MED28: variants seen among roughly 807,000 people sequenced by gnomAD.
MED28 encodes the protein mediator of RNA polymerase II transcription subunit 28.
Under a neutral mutation model 21.3 loss-of-function variants are expected in MED28, and 26 were observed. The observed-to-expected ratio is 1.22, with a 90% CI of 0.89 to 1.69. The LOEUF is 1.69. Ranked by LOEUF, MED28 falls within the 40% of genes most tolerant of loss-of-function variation. MED28 has a pLI of 0.00. For missense variants in MED28, 257 were observed against 215.4 expected (o/e 1.19, Z -1.21); for synonymous variants, 110 against 87.6 (o/e 1.26, Z -1.43).
intron 3 of MED28, among the ~76,000 whole-genome samples, chr4:17,622,947 A>G (rs956707826): frequency 1.3e-5 from 2 of 152,176 alleles, no homozygotes; most frequent in African/African-American, 4.8e-5. Flanking sequence ...TGCCCCCGTG[A>G]TTCAATTACC....
At chr4:17,615,586 C>T (rs1714426110) in intron 1 of MED28, among the ~76,000 whole-genome samples, 1 of 152,032 alleles carries the variant, frequency 6.6e-6, no homozygotes, top group African/African-American at 2.4e-5. Context: ...CCGAGGCTGG[C>T]GGATCATGAG....
chr4:17,625,624 A>G lies in MED28; in HGVS notation c.*1826A>G, dbSNP rs1348636376. On this transcript the variant is annotated 3_prime_UTR_variant, in exon 4 of 4. Coordinates refer to ENST00000237380, the MANE Select transcript of MED28 (RefSeq NM_025205.5). ...ATTAAATTCAGAAGTTTTTTTGCCA[A>G]ATAACAATTTTTCAATCTTCTCTGT... 4.5e-6 allele frequency: 2 copies of G among 439,940 alleles called. No homozygotes were observed. The highest frequency in any genetic ancestry group is 4.1e-5 in the African/African-American group (2 of 49,166). The allele number at this position is 439,940 out of a possible 1,614,324, so 27.3% of individuals were successfully genotyped here. A position where few individuals can be genotyped will look rare whatever the true frequency, so the allele number is the denominator to read the frequency against.
At chr4:17,617,994 TTTTTTTTTCTTTTCTTTTC>T in intron 1 of MED28, among the ~76,000 whole-genome samples, 1 of 142,938 alleles carries the variant, frequency 7.0e-6, no homozygotes, top group African/African-American at 2.6e-5. Context: ...CTGTGTATCT[TTTTTTTTTCTTTTCTTTTC>T]TTTTTTTTTT....
chr4:17,623,917 T>G lies in MED28; in HGVS notation c.*119T>G. On this transcript the variant is annotated 3_prime_UTR_variant, in exon 4 of 4. Coordinates refer to ENST00000237380, the MANE Select transcript of MED28 (RefSeq NM_025205.5). ...TTGCCAGATAATGAGTTCATTTTAG[T>G]TTTATGCTCCCATTGAAAAATTTTC... 8.7e-7 allele frequency: 1 copy of G among 1,151,972 alleles called. No individual in the cohort carries two copies. Among genetic ancestry groups the G allele is most frequent in the Non-Finnish European group, 1.2e-6 (1 of 821,610 alleles). 71.4% of individuals were successfully genotyped at this position (1,151,972 alleles called of 1,614,324 possible).
rs1310966935 is a variant in MED28 at position 17,633,688 on chromosome 4, C to G, written c.*9890C>G. The G allele has an allele frequency of 3.3e-6, 5 of 1,527,532 alleles. No homozygotes were observed. The highest frequency in any genetic ancestry group is 4.4e-6 in the Non-Finnish European group (5 of 1,134,278). The allele number at this position is 1,527,532 out of a possible 1,614,324, so 94.6% of individuals were successfully genotyped here. A position where few individuals can be genotyped will look rare whatever the true frequency, so the allele number is the denominator to read the frequency against. On this transcript the variant is annotated 3_prime_UTR_variant, in exon 4 of 4. Transcript: ENST00000237380. ...GCCCCTGTCCCCAACATCCCCCAAA[C>G]CTTGTGGCAGTTTTTGCATCTGTAG...
At chr4:17,619,636 A>G (rs1577231582) in intron 1 of MED28, among the ~76,000 whole-genome samples, 1 of 152,250 alleles carries the variant, frequency 6.6e-6, no homozygotes, top group Non-Finnish European at 1.5e-5. Flanking sequence ...CTGGTGTGGA[A>G]TAAGATACAG....
rs537180538 is a variant in MED28 at position 17,614,667 on chromosome 4, C to A, written c.13C>A (p.Leu5Ile). ...CGCCATTCCAAACATGGCGGCTCCA[C>A]TAGGGGGTATGTTTTCTGGGCAGCC... MAAP[L>I]GGMFSGQPPG... The change falls in exon 1 of 4, where the codon CTA becomes ATA. Residue 5 changes from leucine to isoleucine, a missense_variant. By Grantham distance (5) the Leu-to-Ile change is conservative. Coordinates refer to ENST00000237380, the MANE Select transcript of MED28 (RefSeq NM_025205.5). 1.2e-6 allele frequency: 2 copies of A among 1,611,712 alleles called. No homozygotes were observed. The highest frequency in any genetic ancestry group is 2.7e-5 in the African/African-American group (2 of 74,840).
chr4:17,616,836 A>C (rs1291854279), intron 1 of MED28, among the ~76,000 whole-genome samples: 1 of 152,204 alleles, frequency 6.6e-6, no homozygotes, highest in African/African-American at 2.4e-5. Context: ...AGGAATCTGT[A>C]GTGTGGAGCC....
In MED28 at chr4:17,633,686, A is replaced by C; in HGVS notation, c.*9888A>C. Reference sequence around the variant, plus strand: ...GGGCCCCTGTCCCCAACATCCCCCAAACCTTGTGGCAGTTTTTGCATCTGT... The same window carrying C: ...GGGCCCCTGTCCCCAACATCCCCCACACCTTGTGGCAGTTTTTGCATCTGT... On this transcript the variant is annotated 3_prime_UTR_variant, in exon 4 of 4. Coordinates refer to ENST00000237380, the MANE Select transcript of MED28 (RefSeq NM_025205.5). 6.6e-7 allele frequency: 1 copy of C among 1,525,142 alleles called. No homozygotes were observed. The highest frequency in any genetic ancestry group is 2.1e-5 in the Admixed American group (1 of 47,478). The allele number at this position is 1,525,142 out of a possible 1,614,324, so 94.5% of individuals were successfully genotyped here. A position where few individuals can be genotyped will look rare whatever the true frequency, so the allele number is the denominator to read the frequency against.
Position 17,630,637 on chromosome 4 carries a change from A to ATATT in MED28, c.*6841_*6844dup, listed in dbSNP as rs761394735. The ATATT allele has an allele frequency of 3.3e-5, 5 of 152,232 alleles. No homozygotes were observed. Among genetic ancestry groups the ATATT allele is most frequent in the Non-Finnish European group, 7.3e-5 (5 of 68,050 alleles). The allele number at this position is 152,232 out of a possible 1,614,324, so 9.4% of individuals were successfully genotyped here. On this transcript the variant is annotated 3_prime_UTR_variant, in exon 4 of 4. Transcript: ENST00000237380. ...ACTCTAAGCGGGAAACTCACAAAAAATATTTGGTAGTGAAAAACAGTATGG... is the reference window on the plus strand; with the variant it reads ...ACTCTAAGCGGGAAACTCACAAAAAATATTTATTTGGTAGTGAAAAACAGTATGG...
chr4:17,615,995 C>G (rs919492007), intron 1 of MED28, among the ~76,000 whole-genome samples: 2 of 151,826 alleles, frequency 1.3e-5, no homozygotes, highest in African/African-American at 4.8e-5. Flanking sequence ...GAGTCTCACT[C>G]TCTCGCCCAG....
rs151195252 is a variant in MED28, at chr4:17,616,401, G to A, written c.159+1588G>A. Among the ~76,000 whole-genome samples, 9 of 152,294 alleles carry A rather than the reference G, an allele frequency of 5.9e-5. No individual in the cohort carries two copies. The East Asian group carries it at 1.7e-3, about 29-fold the overall frequency. Reference sequence around the variant, plus strand: ...GAGGGGAGCTGGCTCTCAGTCATGGGCACTTGCTGAAAGACTGGCCCTGTA... The same window carrying A: ...GAGGGGAGCTGGCTCTCAGTCATGGACACTTGCTGAAAGACTGGCCCTGTA... On this transcript the variant is annotated intron_variant, in intron 1 of 3. Coordinates refer to ENST00000237380, the MANE Select transcript of MED28 (RefSeq NM_025205.5).
At chr4:17,616,457 C>A (rs911125653) in intron 1 of MED28, among the ~76,000 whole-genome samples, 13 of 152,138 alleles carry the variant, frequency 8.5e-5, no homozygotes, top group African/African-American at 3.1e-4. Context: ...CTCCCAGCAC[C>A]CTGCTGCTTA....
In MED28 at chr4:17,614,821, A is replaced by G. The variant is rs1196324101; in HGVS notation, c.159+8A>G. The G allele has an allele frequency of 1.9e-6, 3 of 1,593,692 alleles. No homozygotes were observed. The highest frequency in any genetic ancestry group is 3.4e-4 in the Middle Eastern group (2 of 5,952). On this transcript the variant is annotated splice_region_variant and intron_variant, in intron 1 of 3. Coordinates refer to ENST00000237380, the MANE Select transcript of MED28 (RefSeq NM_025205.5). ...TTGGAGTCATCTTTCGAGGTAATAT[A>G]AGACATGGGCGTCTTTGTCCCTAGC...
Position 17,618,369 on chromosome 4 carries a change from C to G in MED28, c.160-1532C>G, listed in dbSNP as rs567876701. Reference sequence around the variant, plus strand: ...TTCTTGAGATGAGATTTCCTGCCACCCTGTCTGGTAGGCCTCCTGGCTCAG... The same window carrying G: ...TTCTTGAGATGAGATTTCCTGCCACGCTGTCTGGTAGGCCTCCTGGCTCAG... On this transcript the variant is annotated intron_variant, in intron 1 of 3. Coordinates refer to ENST00000237380, the MANE Select transcript of MED28 (RefSeq NM_025205.5). Among the ~76,000 whole-genome samples, 4 of 152,118 alleles carry G rather than the reference C, an allele frequency of 2.6e-5. No individual in the cohort carries two copies. In the South Asian group the frequency reaches 8.3e-4, roughly 31 times the overall value.
intron 1 of MED28, among the ~76,000 whole-genome samples, chr4:17,618,013 C>CTTTTCTT (rs1714503188): frequency 4.2e-5 from 5 of 117,918 alleles, no homozygotes; most frequent in Non-Finnish European, 8.4e-5. Flanking sequence ...CTTTTCTTTT[C>CTTTTCTT]TTTTTTTTTT....
rs199549580 is a variant in MED28 at position 17,632,043 on chromosome 4, A to ATTTTTTTTTTTTTTTTTT, written c.*8272_*8289dup. The ATTTTTTTTTTTTTTTTTT allele has an allele frequency of 1.0e-4, 12 of 117,622 alleles. No individual in the cohort carries two copies. The highest frequency in any genetic ancestry group is 1.4e-4 in the Non-Finnish European group (8 of 56,564). 7.3% of individuals were successfully genotyped at this position (117,622 alleles called of 1,614,324 possible). ...TTTTAATAACACTGGTTTAATGTCA[A>ATTTTTTTTTTTTTTTTTT]TTTTTTTTTTTTTTTTTTTTTTTTT... On this transcript the variant is annotated 3_prime_UTR_variant, in exon 4 of 4. Coordinates refer to ENST00000237380, the MANE Select transcript of MED28 (RefSeq NM_025205.5).
Position 17,621,584 on chromosome 4 carries a change from A to T in MED28, c.227-3A>T. The T allele has an allele frequency of 6.6e-7, 1 of 1,518,326 alleles. No individual in the cohort carries two copies. 94.1% of individuals were successfully genotyped at this position (1,518,326 alleles called of 1,614,324 possible). ...TTAATAATTTTGTTCCTTTTTTTTT[A>T]AGGTGTTGATCAGTGTATCCAGAAG... On this transcript the variant is annotated splice_polypyrimidine_tract_variant and splice_region_variant and intron_variant, in intron 2 of 3. Transcript: ENST00000237380.
Position 17,633,617 on chromosome 4 carries a change from G to T in MED28, c.*9819G>T. ...TTCTGGAATTTGGTACCAGGTGCTAGAAAGAATCCTACTTCCCCTCTTATC... is the reference window on the plus strand; with the variant it reads ...TTCTGGAATTTGGTACCAGGTGCTATAAAGAATCCTACTTCCCCTCTTATC... On this transcript the variant is annotated 3_prime_UTR_variant, in exon 4 of 4. Coordinates refer to ENST00000237380, the MANE Select transcript of MED28 (RefSeq NM_025205.5). 7.5e-7 allele frequency: 1 copy of T among 1,325,558 alleles called. No homozygotes were observed. The highest frequency in any genetic ancestry group is 9.8e-7 in the Non-Finnish European group (1 of 1,015,936). The allele number at this position is 1,325,558 out of a possible 1,614,324, so 82.1% of individuals were successfully genotyped here.
Sources: allele counts gnomAD v4.1 joint callset (sites outside exome capture counted in the v4.1 genomes callset), GRCh38; gene constraint gnomAD v4.1.1; transcripts MANE v1.5; gene names NCBI Gene and HGNC (gene_info 2026-07-23, HGNC 2026-07-21).